EVC2: variants seen among roughly 807,000 people sequenced by gnomAD.
EVC2 encodes the protein limbin.
In EVC2, 148 loss-of-function variants were observed where a neutral mutation model predicts 149.3. That is an observed-to-expected ratio of 0.99 (90% CI 0.87 to 1.14). The LOEUF is 1.14. EVC2 is among the 50% of genes most tolerant of loss of function. EVC2 has a pLI of 0.00. For synonymous variants in EVC2, 776 were observed against 649.9 expected, an observed-to-expected ratio of 1.19 and a Z score of -2.95; for missense variants, 1,854 against 1,627.3, an observed-to-expected ratio of 1.14 and a Z score of -2.40.
rs117216562 is a variant in EVC2, at chr4:5,687,597, G to A, written c.706+1560C>T. On this transcript the variant is annotated intron_variant, in intron 5 of 21. Coordinates refer to ENST00000344408, the MANE Select transcript of EVC2 (RefSeq NM_147127.5). ...GGGTGACTTTGGGGCAAGGGACTGG[G>A]TAGGGCTTTCTAGAAAAGGTGACAC... 1.3e-3 allele frequency among the ~76,000 whole-genome samples: 193 copies of A among 152,270 alleles called. 4 individuals are homozygous for A. The East Asian group carries it at 0.033, about 26-fold the overall frequency.
chr4:5,606,377 T>C (rs1268375986), intron 16 of EVC2, among the ~76,000 whole-genome samples: 1 of 152,186 alleles, frequency 6.6e-6, no homozygotes, highest in Non-Finnish European at 1.5e-5. Context: ...TAGAAATCAA[T>C]AATAAATCAA....
rs758710828 is a variant in EVC2 at position 5,568,615 on chromosome 4, G to A, written c.3386C>T (p.Ala1129Val). The change falls in exon 20 of 22, where the codon GCG becomes GTG. Residue 1129 changes from alanine to valine, a missense_variant. Physicochemically the swap from Ala to Val is moderately conservative, Grantham distance 64. Transcript: ENST00000344408. Reference protein sequence around the residue: ...SQELRLASYLARMAMVPGATL... With the variant: ...SQELRLASYLVRMAMVPGATL... Reference sequence around the variant, plus strand: ...GGCCCCGGGCACCATGGCCATCCTCGCCAGGTACGATGCCAGTCTCAGCTC... The same window carrying A: ...GGCCCCGGGCACCATGGCCATCCTCACCAGGTACGATGCCAGTCTCAGCTC... 27 of 1,608,718 alleles carry A rather than the reference G, an allele frequency of 1.7e-5. No individual in the cohort carries two copies. Among genetic ancestry groups the A allele is most frequent in the African/African-American group, 2.7e-5 (2 of 74,888 alleles).
At chr4:5,547,308 T>C (rs1216480034) in intron 21 of EVC2, among the ~76,000 whole-genome samples, 2 of 152,206 alleles carry the variant, frequency 1.3e-5, no homozygotes, top group Non-Finnish European at 2.9e-5. Context: ...AGGCAGCTTA[T>C]GGCTGGCCTG....
intron 21 of EVC2, among the ~76,000 whole-genome samples, chr4:5,550,496 T>G (rs1355849683): frequency 6.6e-6 from 1 of 152,172 alleles, no homozygotes; most frequent in Non-Finnish European, 1.5e-5. Context: ...GGAAGAAATT[T>G]CTAGCAGCAA....
chr4:5,648,507 A>G (rs1232414744), intron 9 of EVC2, among the ~76,000 whole-genome samples: 1 of 152,222 alleles, frequency 6.6e-6, no homozygotes, highest in Non-Finnish European at 1.5e-5. Flanking sequence ...AGGGGCCTGG[A>G]TAAAGAATTT....
chr4:5,687,382 G>T (rs757134073), intron 5 of EVC2, among the ~76,000 whole-genome samples: 1 of 152,128 alleles, frequency 6.6e-6, no homozygotes, highest in Non-Finnish European at 1.5e-5. Context: ...CCCTCACAGC[G>T]CCTTCCTAGG....
intron 16 of EVC2, among the ~76,000 whole-genome samples, chr4:5,602,588 T>A (rs191103984): frequency 2.0e-3 from 308 of 152,016 alleles, no homozygotes; most frequent in Middle Eastern, 0.014. Flanking sequence ...CTAAGGAAAC[T>A]AAAGAACAAT....
intron 5 of EVC2, among the ~76,000 whole-genome samples, chr4:5,687,860 G>A (rs987861058): frequency 2.0e-5 from 3 of 152,258 alleles, no homozygotes; most frequent in Admixed American, 1.3e-4. Flanking sequence ...GTGTCTGGGT[G>A]ACATTGTCTC....
chr4:5,667,708 G>T (rs1477752891), intron 7 of EVC2, among the ~76,000 whole-genome samples: 1 of 152,228 alleles, frequency 6.6e-6, no homozygotes, highest in East Asian at 1.9e-4. Context: ...CCAGAGAGGG[G>T]TTGTGACAAC....
At chr4:5,630,030 G>T (rs1179820032) in intron 11 of EVC2, among the ~76,000 whole-genome samples, 12 of 152,232 alleles carry the variant, frequency 7.9e-5, no homozygotes. Flanking sequence ...CATCATGAGA[G>T]TAAAATGATA....
upstream of EVC2, chr4:5,708,638 A>G: frequency 3.1e-6 from 2 of 641,392 alleles, no homozygotes; most frequent in Non-Finnish European, 2.4e-6. Context: ...TTTCTGGAAC[A>G]AACACCCGCA....
chr4:5,615,289 CTGAG>C (rs1408705159), intron 16 of EVC2, 129 bp downstream of exon 16: 17 of 1,452,616 alleles, frequency 1.2e-5, no homozygotes, highest in Non-Finnish European at 1.6e-5. Context: ...ACCTTAGCAC[CTGAG>C]TGAGTGAGCG....
chr4:5,696,751 A>G lies in EVC2; in HGVS notation c.283+842T>C, dbSNP rs2035353572. On this transcript the variant is annotated intron_variant, in intron 2 of 21. Coordinates refer to ENST00000344408, the MANE Select transcript of EVC2 (RefSeq NM_147127.5). This position sits in a 1 kb window ranked among gnomAD's most constrained non-coding sequence, Gnocchi z 4.1. ...GCCAGGGCCTGTGCGTTTCAGTTACAGATGCCAATGAATTCCTCTTGATGA... is the reference window on the plus strand; with the variant it reads ...GCCAGGGCCTGTGCGTTTCAGTTACGGATGCCAATGAATTCCTCTTGATGA... 6.6e-6 allele frequency among the ~76,000 whole-genome samples: 1 copy of G among 152,220 alleles called. No homozygotes were observed. The highest frequency in any genetic ancestry group is 1.5e-5 in the Non-Finnish European group (1 of 68,036).
the EVC2 span, among the ~76,000 whole-genome samples, chr4:5,532,086 C>T: frequency 6.6e-6 from 1 of 152,074 alleles, no homozygotes; most frequent in South Asian, 2.1e-4. Flanking sequence ...GTTGAATCCA[C>T]AGATCCGGAA....
At chr4:5,608,523 A>ATCTTGTTATT (rs1180775469) in intron 16 of EVC2, among the ~76,000 whole-genome samples, 1 of 151,814 alleles carries the variant, frequency 6.6e-6, no homozygotes, top group Non-Finnish European at 1.5e-5. Flanking sequence ...AGAGATTAGC[A>ATCTTGTTATT]TCTTGTTATT....
intron 17 of EVC2, among the ~76,000 whole-genome samples, chr4:5,581,605 A>T (rs1711800067): frequency 6.6e-6 from 1 of 152,240 alleles, no homozygotes; most frequent in Admixed American, 6.5e-5. Context: ...GCTGCTTCTA[A>T]CAACCTATGT....
intron 17 of EVC2, among the ~76,000 whole-genome samples, 171 bp downstream of exon 17, chr4:5,584,452 G>A (rs1252192767): frequency 6.6e-6 from 1 of 152,158 alleles, no homozygotes; most frequent in Non-Finnish European, 1.5e-5. Context: ...AGCCATCTTT[G>A]GTTGAGAGAG....
rs994568319 is a variant in EVC2 at position 5,694,506 on chromosome 4, A to G, written c.284-5T>C. 10 of 1,614,212 alleles carry G rather than the reference A, an allele frequency of 6.2e-6. No homozygotes were observed. The highest frequency in any genetic ancestry group is 8.5e-6 in the Non-Finnish European group (10 of 1,180,032). ...TCATTCCAAGTGGTGCTTCCACTGC[A>G]AAACAACAACACACCCGTTTTATAT... is the stretch of plus-strand genomic sequence containing the variant. On this transcript the variant is annotated splice_region_variant and splice_polypyrimidine_tract_variant and intron_variant, in intron 2 of 21. Transcript: ENST00000344408.
Position 5,663,006 on chromosome 4 carries a change from T to C in EVC2, c.1145+101A>G, listed in dbSNP as rs2108895644. 8 of 1,481,884 alleles carry C rather than the reference T, an allele frequency of 5.4e-6. No homozygotes were observed. The South Asian group carries it at 9.2e-5, about 17-fold the overall frequency. The allele number at this position is 1,481,884 out of a possible 1,614,324, so 91.8% of individuals were successfully genotyped here. ...ATTATGACTACAGAGTGACAAATGATTAACTGAATGAATGAAATATACTCA... is the reference window on the plus strand; with the variant it reads ...ATTATGACTACAGAGTGACAAATGACTAACTGAATGAATGAAATATACTCA... On this transcript the variant is annotated intron_variant, in intron 9 of 21. Transcript: ENST00000344408.
Sources: allele counts gnomAD v4.1 joint callset (sites outside exome capture counted in the v4.1 genomes callset), GRCh38; gene constraint gnomAD v4.1.1; non-coding constraint Gnocchi (gnomAD v3.1); transcripts MANE v1.5; gene names NCBI Gene and HGNC (gene_info 2026-07-23, HGNC 2026-07-21).